The following CTNNA2 variants were observed in gnomAD, a reference collection of about 807,000 sequenced individuals.
CTNNA2 encodes catenin alpha-2.
Under a neutral mutation model 101.0 loss-of-function variants are expected in CTNNA2, and 42 were observed. That is an observed-to-expected ratio of 0.42 (90% CI 0.32 to 0.54). The LOEUF (loss-of-function observed/expected upper bound fraction) is 0.54. Among genes scored for constraint, CTNNA2 ranks in the 20% least tolerant of loss-of-function variants. The probability of loss-of-function intolerance (pLI) is 0.14; values close to 1 mark genes in which losing one functional copy is unlikely to be tolerated. For synonymous variants in CTNNA2, 450 were observed against 456.4 expected (o/e 0.99, Z 0.18); for missense variants, 871 against 1,223.1 (o/e 0.71, Z 4.29).
At chr2:79,841,547 T>G (rs1679814316) in intron 3 of CTNNA2, among the ~76,000 whole-genome samples, 1 of 152,188 alleles carries the variant, frequency 6.6e-6, no homozygotes, top group South Asian at 2.1e-4. Context: ...TAGTCCTTTT[T>G]TGTTGCTCCT....
chr2:79,637,931 T>C (rs1680189283), intron 1 of CTNNA2, among the ~76,000 whole-genome samples: 1 of 152,146 alleles, frequency 6.6e-6, no homozygotes, highest in Non-Finnish European at 1.5e-5. Context: ...GAATGTAGCA[T>C]AAGGTAACAT....
chr2:80,640,462 A>G (rs1259033888), intron 18 of CTNNA2, among the ~76,000 whole-genome samples: 1 of 152,198 alleles, frequency 6.6e-6, no homozygotes, highest in African/African-American at 2.4e-5. Context: ...AAACATTCTG[A>G]GATAACTTAA....
intron 1 of CTNNA2, among the ~76,000 whole-genome samples, chr2:79,636,294 A>G (rs13025637): frequency 0.43 from 56,836 of 131,536 alleles, 14,867 homozygotes; most frequent in African/African-American, 0.69. Flanking sequence ...AAAAAAAAAA[A>G]AAAAAGGAAG....
chr2:80,073,678 G>T (rs532873842), intron 7 of CTNNA2, among the ~76,000 whole-genome samples: 2 of 151,986 alleles, frequency 1.3e-5, no homozygotes, highest in African/African-American at 4.8e-5. Context: ...CCAAGTGCCA[G>T]TGTGCAGGCG....
At chr2:80,567,664 T>G (rs544563657) in intron 12 of CTNNA2, among the ~76,000 whole-genome samples, 29 of 152,302 alleles carry the variant, frequency 1.9e-4, no homozygotes, top group Non-Finnish European at 4.1e-4. Context: ...TAGGGGACAC[T>G]GGAATGGCCC....
chr2:79,288,135 G>A (rs1489133307), intron 2 of CTNNA2, among the ~76,000 whole-genome samples: 2 of 152,154 alleles, frequency 1.3e-5, no homozygotes, highest in Non-Finnish European at 2.9e-5. Flanking sequence ...CCACTGACCT[G>A]TGCCCACTGT....
intron 8 of CTNNA2, among the ~76,000 whole-genome samples, chr2:80,404,919 C>A (rs1334153779): frequency 6.6e-6 from 1 of 152,098 alleles, no homozygotes; most frequent in Non-Finnish European, 1.5e-5. Context: ...TATGTCTAAG[C>A]CCCAGATAAA....
At chr2:80,173,677 G>A (rs2148966902) in intron 7 of CTNNA2, among the ~76,000 whole-genome samples, 1 of 152,256 alleles carries the variant, frequency 6.6e-6, no homozygotes, top group South Asian at 2.1e-4. Context: ...GCTGCACAAT[G>A]CTGGTGAGGG....
intron 1 of CTNNA2, among the ~76,000 whole-genome samples, chr2:79,195,627 C>T (rs1159969986): frequency 1.3e-5 from 2 of 152,162 alleles, no homozygotes; most frequent in Non-Finnish European, 2.9e-5. Flanking sequence ...GAAAATCAGA[C>T]ATTATAATGC....
In CTNNA2 at chr2:80,624,136, T is replaced by C. The variant is rs1301886313; in HGVS notation, c.2574+4908T>C. 2.0e-5 allele frequency among the ~76,000 whole-genome samples: 3 copies of C among 152,020 alleles called. No homozygotes were observed. In the East Asian group the frequency reaches 5.9e-4, roughly 30 times the overall value. On this transcript the variant is annotated intron_variant, in intron 18 of 18. Transcript: ENST00000402739. ...GCTAAGTTGTTCTACATCTTCCAAGTTGTGCCAAGATAAGAGATAGGGGCA... is the reference window on the plus strand; with the variant it reads ...GCTAAGTTGTTCTACATCTTCCAAGCTGTGCCAAGATAAGAGATAGGGGCA...
chr2:80,099,684 A>G (rs1302148522), intron 7 of CTNNA2, among the ~76,000 whole-genome samples: 1 of 152,096 alleles, frequency 6.6e-6, no homozygotes, highest in Non-Finnish European at 1.5e-5. Flanking sequence ...AGGTTCATCT[A>G]AACTTCGTAT....
chr2:80,593,734 T>A (rs1327295340), intron 15 of CTNNA2, among the ~76,000 whole-genome samples: 1 of 152,202 alleles, frequency 6.6e-6, no homozygotes, highest in Admixed American at 6.5e-5. Context: ...ATTTGTCCTT[T>A]TGTGACTGGC....
At chr2:79,682,691 T>A (rs1358065723) in intron 2 of CTNNA2, among the ~76,000 whole-genome samples, 1 of 152,196 alleles carries the variant, frequency 6.6e-6, no homozygotes, top group Non-Finnish European at 1.5e-5. Context: ...AGAGTTGAGT[T>A]AAAAAATTTT....
At chr2:80,146,559 A>G (rs1023648322) in intron 7 of CTNNA2, among the ~76,000 whole-genome samples, 1 of 151,968 alleles carries the variant, frequency 6.6e-6, no homozygotes, top group Non-Finnish European at 1.5e-5. Context: ...CCATTCCCCA[A>G]AACTTACCCA....
intron 9 of CTNNA2, among the ~76,000 whole-genome samples, chr2:80,452,813 A>G (rs1209806487): frequency 1.3e-5 from 2 of 148,458 alleles, no homozygotes; most frequent in Non-Finnish European, 2.9e-5. Flanking sequence ...GTTAGCTGGT[A>G]TCCCTGCAGT....
intron 7 of CTNNA2, among the ~76,000 whole-genome samples, chr2:80,284,982 T>C (rs963933599): frequency 6.6e-6 from 1 of 152,174 alleles, no homozygotes; most frequent in Non-Finnish European, 1.5e-5. Flanking sequence ...CTAGTGTTTG[T>C]TCATTGCAAG....
chr2:80,234,969 G>T (rs563655023), intron 7 of CTNNA2, among the ~76,000 whole-genome samples: 12 of 152,234 alleles, frequency 7.9e-5, no homozygotes, highest in Admixed American at 4.6e-4. Context: ...AAAGAAAGGT[G>T]ATTGCTGATT....
intron 6 of CTNNA2, among the ~76,000 whole-genome samples, chr2:79,882,779 T>C (rs549995193): frequency 4.6e-5 from 7 of 152,240 alleles, no homozygotes; most frequent in Non-Finnish European, 8.8e-5. Flanking sequence ...CCAGCTGAGA[T>C]GCTGCTGAGA....
chr2:79,926,950 T>C (rs1687061327), intron 7 of CTNNA2, among the ~76,000 whole-genome samples: 1 of 152,064 alleles, frequency 6.6e-6, no homozygotes, highest in Admixed American at 6.6e-5. Context: ...TGGGTTGAGA[T>C]ACTGAATTAT....
Sources: gnomAD v4.1 joint callset for allele counts (sites outside exome capture counted in the v4.1 genomes callset) on GRCh38, gnomAD v4.1.1 for gene constraint, MANE v1.5 for transcripts, NCBI Gene and HGNC (gene_info 2026-07-23, HGNC 2026-07-21) for gene names.